Variants in MACROD2 observed in about 807,000 individuals in gnomAD.
The protein encoded by MACROD2 is mono-ADP ribosylhydrolase 2.
MACROD2 carries 36 observed loss-of-function variants against 70.4 expected under a neutral mutation model. The observed-to-expected ratio is 0.51, with a 90% CI of 0.39 to 0.68. The LOEUF (loss-of-function observed/expected upper bound fraction) is 0.68, where lower values mean the gene tolerates loss of function less well. MACROD2 is among the 30% of genes least tolerant of loss of function. The probability of loss-of-function intolerance (pLI) is 0.00; values close to 1 mark genes in which losing one functional copy is unlikely to be tolerated. For synonymous variants in MACROD2, 172 were observed against 178.8 expected (o/e 0.96, Z 0.30); for missense variants, 496 against 538.4 (o/e 0.92, Z 0.78).
At chr20:14,776,851 CCTTGGG>C (rs2072240992) in intron 5 of MACROD2, among the ~76,000 whole-genome samples, 1 of 151,908 alleles carries the variant, frequency 6.6e-6, no homozygotes, top group Non-Finnish European at 1.5e-5. Context: ...ATGAAGTGTA[CCTTGGG>C]CTAATAGATA....
At chr20:15,599,539 T>A (rs1373683899) in intron 8 of MACROD2, among the ~76,000 whole-genome samples, 1 of 152,164 alleles carries the variant, frequency 6.6e-6, no homozygotes, top group African/African-American at 2.4e-5. Context: ...AGCCGTGTGG[T>A]CTTGGACAAG....
intron 3 of MACROD2, among the ~76,000 whole-genome samples, chr20:14,385,542 A>G (rs1188950454): frequency 1.3e-5 from 2 of 152,226 alleles, no homozygotes; most frequent in African/African-American, 4.8e-5. Context: ...TTTTACTTGA[A>G]GAAAGTAAAC....
intron 6 of MACROD2, among the ~76,000 whole-genome samples, chr20:15,401,356 G>A (rs1247591402): frequency 6.6e-6 from 1 of 152,110 alleles, no homozygotes; most frequent in East Asian, 1.9e-4. Flanking sequence ...CTTAAGAAAG[G>A]AAAGAATACA....
intron 3 of MACROD2, among the ~76,000 whole-genome samples, chr20:14,388,764 C>T (rs778143796): frequency 1.3e-5 from 2 of 152,006 alleles, no homozygotes; most frequent in Admixed American, 6.5e-5. Flanking sequence ...CAAGGACTTC[C>T]GGCATCACCA....
intron 8 of MACROD2, among the ~76,000 whole-genome samples, chr20:15,709,314 A>AT (rs1301953770): frequency 7.9e-5 from 12 of 152,170 alleles, no homozygotes; most frequent in Admixed American, 7.9e-4. Context: ...TTCTGGGAAA[A>AT]TCTTTTTAAA....
rs201721205 is a variant in MACROD2 at position 15,967,549 on chromosome 20, T to C, written c.908-4T>C. The C allele has an allele frequency of 4.8e-5, 77 of 1,610,252 alleles. No homozygotes were observed. The highest frequency in any genetic ancestry group is 1.2e-4 in the Admixed American group (7 of 59,232). On this transcript the variant is annotated splice_region_variant and splice_polypyrimidine_tract_variant and intron_variant, in intron 12 of 17. Coordinates refer to ENST00000684519, the MANE Select transcript of MACROD2 (RefSeq NM_001351661.2). ...GACCAAAGGTTTTGCTTGTTTGTTG[T>C]TAGATTTTGCAAAGGATGAAAATAT...
At chr20:14,389,400 C>T (rs920994615) in intron 3 of MACROD2, among the ~76,000 whole-genome samples, 5 of 119,894 alleles carry the variant, frequency 4.2e-5, no homozygotes, top group Non-Finnish European at 6.4e-5. Context: ...CTGACCTGGG[C>T]GACAGGGCGA....
At chr20:16,001,640 A>AG (rs1261065798) in intron 15 of MACROD2, among the ~76,000 whole-genome samples, 1 of 152,216 alleles carries the variant, frequency 6.6e-6, no homozygotes, top group Non-Finnish European at 1.5e-5. Context: ...ATGGGGAAAA[A>AG]GGGAAAAATA....
At chr20:15,942,837 G>T (rs368821446) in intron 12 of MACROD2, among the ~76,000 whole-genome samples, 2 of 152,144 alleles carry the variant, frequency 1.3e-5, no homozygotes, top group South Asian at 4.1e-4. Flanking sequence ...GTTTAAACTC[G>T]TCTTAATCCA....
chr20:15,781,749 T>C (rs183885989), intron 8 of MACROD2, among the ~76,000 whole-genome samples: 191 of 152,246 alleles, frequency 1.3e-3, no homozygotes, highest in Middle Eastern at 6.8e-3. Flanking sequence ...AGTCAAATCA[T>C]AGCAGCAGAG....
intron 15 of MACROD2, among the ~76,000 whole-genome samples, chr20:16,018,182 G>A (rs962671366): frequency 5.9e-5 from 9 of 152,190 alleles, no homozygotes; most frequent in African/African-American, 2.2e-4. Flanking sequence ...AGAGGACAAC[G>A]CAGAGCAAAG....
chr20:15,849,426 A>G (rs923650670), intron 8 of MACROD2, among the ~76,000 whole-genome samples: 1 of 152,202 alleles, frequency 6.6e-6, no homozygotes, highest in African/African-American at 2.4e-5. Context: ...AAATGTCGAG[A>G]AAACGATAAG....
chr20:15,870,936 T>A (rs527492356), intron 9 of MACROD2, among the ~76,000 whole-genome samples: 1 of 152,226 alleles, frequency 6.6e-6, no homozygotes, highest in East Asian at 1.9e-4. Context: ...CCCAGCACTT[T>A]GGGATGCTGA....
chr20:15,590,090 T>G (rs1857671599), intron 8 of MACROD2, among the ~76,000 whole-genome samples: 2 of 152,228 alleles, frequency 1.3e-5, no homozygotes, highest in South Asian at 2.1e-4. Flanking sequence ...AAATACTTAG[T>G]ATATTATAAA....
chr20:15,723,929 CTCCACA>C (rs1448330050), intron 8 of MACROD2, among the ~76,000 whole-genome samples: 1 of 152,216 alleles, frequency 6.6e-6, no homozygotes, highest in Non-Finnish European at 1.5e-5. Flanking sequence ...CTTTCTGTTG[CTCCACA>C]TCCTTACCAG....
At chr20:14,508,028 A>G (rs182442493) in intron 4 of MACROD2, among the ~76,000 whole-genome samples, 1 of 152,304 alleles carries the variant, frequency 6.6e-6, no homozygotes, top group East Asian at 1.9e-4. Context: ...CCTGGGAAAG[A>G]AGAGGCATGG....
intron 4 of MACROD2, among the ~76,000 whole-genome samples, chr20:14,630,760 A>C (rs1305818088): frequency 6.6e-6 from 1 of 152,232 alleles, no homozygotes; most frequent in Non-Finnish European, 1.5e-5. Flanking sequence ...ATAGTTATCT[A>C]CATTTGAAAG....
chr20:14,963,308 G>A (rs953534983), intron 5 of MACROD2, among the ~76,000 whole-genome samples: 2 of 152,098 alleles, frequency 1.3e-5, no homozygotes, highest in Admixed American at 1.3e-4. Context: ...GCTGTCAGAA[G>A]TGCCCTGTTT....
chr20:14,548,112 A>C (rs1978388231), intron 4 of MACROD2, among the ~76,000 whole-genome samples: 1 of 152,238 alleles, frequency 6.6e-6, no homozygotes. Flanking sequence ...GGGCTTGTGT[A>C]AAAAATTGGA....
Sources: gnomAD v4.1 joint callset for allele counts (sites outside exome capture counted in the v4.1 genomes callset) on GRCh38, gnomAD v4.1.1 for gene constraint, MANE v1.5 for transcripts, NCBI Gene and HGNC (gene_info 2026-07-23, HGNC 2026-07-21) for gene names.